Variants in ARL15 observed in about 807,000 individuals in gnomAD.
The protein encoded by ARL15 is ADP-ribosylation factor-like protein 15.
In ARL15, 19 loss-of-function variants were observed where a neutral mutation model predicts 25.2. That is an observed-to-expected ratio of 0.75 (90% CI 0.53 to 1.10). ARL15 has a LOEUF of 1.10. Among genes scored for constraint, ARL15 ranks in the 50% least tolerant of loss-of-function variants. The probability of loss-of-function intolerance (pLI) is 0.00; values close to 1 mark genes in which losing one functional copy is unlikely to be tolerated. For missense variants in ARL15, 220 were observed against 246.0 expected, an observed-to-expected ratio of 0.89 and a Z score of 0.71; for synonymous variants, 94 against 86.8, an observed-to-expected ratio of 1.08 and a Z score of -0.46.
intron 4 of ARL15, among the ~76,000 whole-genome samples, chr5:54,004,842 G>C (rs779667771): frequency 6.6e-6 from 1 of 151,988 alleles, no homozygotes; most frequent in Non-Finnish European, 1.5e-5. Context: ...ATTTCAATGA[G>C]TTCACATACA....
At chr5:54,024,334 TATGTAACATGAAGCTAC>T (rs1749711051) in intron 4 of ARL15, among the ~76,000 whole-genome samples, 1 of 152,216 alleles carries the variant, frequency 6.6e-6, no homozygotes, top group South Asian at 2.1e-4. Flanking sequence ...CAATGGCAGT[TATGTAACATGAAGCTAC>T]ATGCAGGTAA....
intron 4 of ARL15, among the ~76,000 whole-genome samples, chr5:54,050,982 T>G (rs1750686558): frequency 6.6e-6 from 1 of 152,190 alleles, no homozygotes; most frequent in Admixed American, 6.5e-5. Context: ...ATATAACTAG[T>G]TTGATGATAC....
At chr5:54,271,018 A>C (rs1757771752) in intron 1 of ARL15, among the ~76,000 whole-genome samples, 1 of 152,164 alleles carries the variant, frequency 6.6e-6, no homozygotes, top group African/African-American at 2.4e-5. Flanking sequence ...CCTGCCTTGG[A>C]CAACAGAACT....
intron 4 of ARL15, among the ~76,000 whole-genome samples, chr5:53,944,333 G>A (rs1013246870): frequency 5.9e-5 from 9 of 152,124 alleles, no homozygotes; most frequent in African/African-American, 1.7e-4. Context: ...TGACCTGGCC[G>A]GGCACAGTTG....
chr5:54,246,017 C>T (rs1335491135), intron 1 of ARL15, among the ~76,000 whole-genome samples: 1 of 152,154 alleles, frequency 6.6e-6, no homozygotes, highest in Non-Finnish European at 1.5e-5. Flanking sequence ...GTCAGTTCTT[C>T]ATTGTATATC....
intron 4 of ARL15, among the ~76,000 whole-genome samples, chr5:53,918,356 T>C (rs534312730): frequency 7.2e-5 from 11 of 152,154 alleles, no homozygotes; most frequent in African/African-American, 2.4e-4. Flanking sequence ...TGGCTAATTT[T>C]TTTTTATTTT....
At chr5:53,891,663 A>G (rs1744712913) in intron 4 of ARL15, among the ~76,000 whole-genome samples, 1 of 152,132 alleles carries the variant, frequency 6.6e-6, no homozygotes, top group Non-Finnish European at 1.5e-5. Flanking sequence ...CCCCCAGATC[A>G]CCCACTACAC....
chr5:53,904,500 A>G (rs1745175662), intron 4 of ARL15, among the ~76,000 whole-genome samples: 1 of 152,216 alleles, frequency 6.6e-6, no homozygotes. Flanking sequence ...TTTAGATAAG[A>G]TAACTACAAA....
At chr5:53,968,719 C>T (rs1747644623) in intron 4 of ARL15, among the ~76,000 whole-genome samples, 1 of 151,798 alleles carries the variant, frequency 6.6e-6, no homozygotes, top group African/African-American at 2.4e-5. Context: ...CCATGTCGGC[C>T]AGGCTGGTCT....
chr5:53,897,804 T>C (rs1265624626), intron 4 of ARL15, among the ~76,000 whole-genome samples: 1 of 152,198 alleles, frequency 6.6e-6, no homozygotes, highest in Non-Finnish European at 1.5e-5. Flanking sequence ...CTGGATTAAT[T>C]TGTTAGTACA....
At chr5:53,922,243 A>G (rs1223705353) in intron 4 of ARL15, among the ~76,000 whole-genome samples, 1 of 152,114 alleles carries the variant, frequency 6.6e-6, no homozygotes, top group Non-Finnish European at 1.5e-5. Flanking sequence ...AGTTCCGTTT[A>G]GTTCAATTAA....
intron 1 of ARL15, among the ~76,000 whole-genome samples, chr5:54,232,928 CA>C (rs1756712480): frequency 6.6e-6 from 1 of 152,144 alleles, no homozygotes; most frequent in Non-Finnish European, 1.5e-5. Context: ...TGAGGGTCCC[CA>C]AGACCCTTTC....
chr5:54,171,230 A>T (rs3936611), intron 2 of ARL15, among the ~76,000 whole-genome samples: 32,622 of 151,928 alleles, frequency 0.21, 3,604 homozygotes, highest in Middle Eastern at 0.27. Flanking sequence ...CCCACAAATG[A>T]CTCCAAAATG....
chr5:54,230,341 T>A (rs1459585799), intron 1 of ARL15, among the ~76,000 whole-genome samples: 3 of 92,348 alleles, frequency 3.2e-5, no homozygotes, highest in East Asian at 2.4e-4. Flanking sequence ...TGAGATTCCA[T>A]CTCAGAAAAA....
At chr5:53,939,365 T>C (rs1746455205) in intron 4 of ARL15, among the ~76,000 whole-genome samples, 1 of 152,228 alleles carries the variant, frequency 6.6e-6, no homozygotes, top group Non-Finnish European at 1.5e-5. Context: ...TGTTATAATG[T>C]TATTAAAATT....
intron 1 of ARL15, among the ~76,000 whole-genome samples, chr5:54,270,223 T>C (rs1757746631): frequency 6.6e-6 from 1 of 152,226 alleles, no homozygotes; most frequent in African/African-American, 2.4e-5. Flanking sequence ...TGGTTTGTTA[T>C]CTGGTAATAT....
Position 53,923,544 on chromosome 5 carries a change from T to A in ARL15, c.463-36831A>T, listed in dbSNP as rs1745921735. Among the ~76,000 whole-genome samples, 3 of 152,182 alleles carry A rather than the reference T, an allele frequency of 2.0e-5. No individual in the cohort carries two copies. In the South Asian group the frequency reaches 6.2e-4, roughly 31 times the overall value. ...CAAAGCTTTCTCAAATAAGCATGAT[T>A]TACCTAAAGGCATCTCCTTTACTAG... On this transcript the variant is annotated intron_variant, in intron 4 of 4. Transcript: ENST00000504924.
At chr5:54,279,221 T>G (rs1425034050) in intron 1 of ARL15, among the ~76,000 whole-genome samples, 1 of 151,318 alleles carries the variant, frequency 6.6e-6, no homozygotes, top group Non-Finnish European at 1.5e-5. Context: ...TTTGTTTTTT[T>G]TTTTCTGGTT....
chr5:53,904,947 C>T (rs1480844921), intron 4 of ARL15, among the ~76,000 whole-genome samples: 1 of 151,956 alleles, frequency 6.6e-6, no homozygotes, highest in Non-Finnish European at 1.5e-5. Flanking sequence ...AGGCTGGTCT[C>T]GAACTCCTGA....
Sources: allele counts gnomAD v4.1 joint callset (sites outside exome capture counted in the v4.1 genomes callset), GRCh38; gene constraint gnomAD v4.1.1; transcripts MANE v1.5; gene names NCBI Gene and HGNC (gene_info 2026-07-23, HGNC 2026-07-21).